Variants in NKAIN4 observed in about 807,000 individuals in gnomAD.
The protein encoded by NKAIN4 is sodium/potassium transporting ATPase interacting 4, also known as sodium/potassium-transporting ATPase subunit beta-1-interacting protein 4.
NKAIN4 carries 28 observed loss-of-function variants against 28.8 expected under a neutral mutation model. That is an observed-to-expected ratio of 0.97 (90% CI 0.72 to 1.33). The LOEUF (loss-of-function observed/expected upper bound fraction) is 1.33. Ranked by LOEUF, NKAIN4 falls within the 40% of genes most tolerant of loss-of-function variation. The pLI, the probability that NKAIN4 is intolerant of heterozygous loss-of-function variation, is 0.00. For missense variants in NKAIN4, 289 were observed against 277.2 expected, an observed-to-expected ratio of 1.04 and a Z score of -0.30; for synonymous variants, 122 against 115.6, an observed-to-expected ratio of 1.06 and a Z score of -0.36.
chr20:63,241,226 A>C lies in NKAIN4; in HGVS notation c.*271T>G. The stretch of plus-strand genomic sequence containing the variant: ...CCCCATGTTGCCAGAGGAGGTGGGC[A>C]TGTGGGGTTTTGCCTTTTCTTTTGT... On this transcript the variant is annotated 3_prime_UTR_variant, in exon 7 of 7. Transcript: ENST00000370316. 2.2e-6 allele frequency: 1 copy of C among 453,390 alleles called. No individual in the cohort carries two copies. The highest frequency in any genetic ancestry group is 4.0e-6 in the Non-Finnish European group (1 of 252,034). 28.1% of individuals were successfully genotyped at this position (453,390 alleles called of 1,614,324 possible).
At chr20:63,249,073 A>C (rs1406250688) in intron 2 of NKAIN4, 178 bp from the exon 3 acceptor site, 1 of 595,494 alleles carries the variant, frequency 1.7e-6, no homozygotes, top group Non-Finnish European at 3.0e-6. Flanking sequence ...CCACCCTGGG[A>C]CACGTCTCAG....
At chr20:63,246,650 C>T (rs2066863120) in intron 4 of NKAIN4, 19 of 985,294 alleles carry the variant, frequency 1.9e-5, no homozygotes, top group Non-Finnish European at 2.3e-5. Context: ...GTCGACACCA[C>T]CGTGCGCACC....
At chr20:63,243,889 T>C in intron 5 of NKAIN4, 135 bp downstream of exon 5, 1 of 703,600 alleles carries the variant, frequency 1.4e-6, no homozygotes, top group Non-Finnish European at 2.5e-6. Flanking sequence ...CCTACGGCCG[T>C]GAGCAAGGCC....
chr20:63,242,814 G>A (rs568115155), intron 5 of NKAIN4, among the ~76,000 whole-genome samples, 191 bp from the exon 6 acceptor site: 61 of 145,916 alleles, frequency 4.2e-4, no homozygotes, highest in Middle Eastern at 3.5e-3. Context: ...CGGGTCCTCG[G>A]CCTGTGCGGG....
intron 4 of NKAIN4, chr20:63,244,503 C>A: frequency 2.1e-6 from 1 of 475,060 alleles, no homozygotes; most frequent in South Asian, 1.5e-5. Flanking sequence ...CAGCAGCCAC[C>A]AGGGGTTCCT....
intron 1 of NKAIN4, chr20:63,254,162 G>A: frequency 2.4e-6 from 1 of 423,002 alleles, no homozygotes; most frequent in Non-Finnish European, 4.1e-6. Flanking sequence ...CTCCGGACCC[G>A]CGGCCGCCCC....
At chr20:63,242,483 G>T in intron 6 of NKAIN4, 56 bp downstream of exon 6, 1 of 1,278,670 alleles carries the variant, frequency 7.8e-7, no homozygotes. Context: ...GCCTCTCGCT[G>T]TGAGGGCCAG....
chr20:63,247,706 G>C lies in NKAIN4; in HGVS notation c.343C>G (p.Leu115Val). 6.5e-7 allele frequency: 1 copy of C among 1,527,748 alleles called. No individual in the cohort carries two copies. The highest frequency in any genetic ancestry group is 8.8e-7 in the Non-Finnish European group (1 of 1,135,798). 94.6% of individuals were successfully genotyped at this position (1,527,748 alleles called of 1,614,324 possible). ...SWWRERWPGC[L>V]HEEVPAVGLG... ...CCCACTGCTGGCACCTCCTCATGCA[G>C]ACAGCCTGGCCAGCGCTCACGCCAC... The change falls in exon 4 of 7, where the codon CTG becomes GTG. Residue 115 changes from leucine (L) to valine (V), a missense_variant. Physicochemically the swap from Leu to Val is conservative, Grantham distance 32. Coordinates refer to ENST00000370316, the MANE Select transcript of NKAIN4 (RefSeq NM_152864.4).
chr20:63,245,460 C>G lies in NKAIN4; in HGVS notation c.472-1376G>C, dbSNP rs1409367466. 6.6e-6 allele frequency among the ~76,000 whole-genome samples: 1 copy of G among 152,082 alleles called. No homozygotes were observed. The highest frequency in any genetic ancestry group is 2.4e-5 in the African/African-American group (1 of 41,416). ...CGGTGCCCTCCTGCCTGGGGACCTGCAGGCCACCTCTGTCCCACACCCCCA... is the reference window on the plus strand; with the variant it reads ...CGGTGCCCTCCTGCCTGGGGACCTGGAGGCCACCTCTGTCCCACACCCCCA... On this transcript the variant is annotated intron_variant, in intron 4 of 6. Coordinates refer to ENST00000370316, the MANE Select transcript of NKAIN4 (RefSeq NM_152864.4). This position sits in a 1 kb window ranked among gnomAD's most constrained non-coding sequence, Gnocchi z 4.7.
At chr20:63,253,405 G>T (rs1284627438) in intron 1 of NKAIN4, 1 of 985,266 alleles carries the variant, frequency 1.0e-6, no homozygotes, top group Non-Finnish European at 1.2e-6. Flanking sequence ...CCCCTAAGCC[G>T]AGCACAGGAC....
At chr20:63,246,999 G>A (rs1191552058) in intron 4 of NKAIN4, 6 of 998,156 alleles carry the variant, frequency 6.0e-6, no homozygotes, top group African/African-American at 3.5e-5. Flanking sequence ...GCAGAGTCCC[G>A]TTCCCGCACA....
At chr20:63,242,897 C>T (rs769717308) in intron 5 of NKAIN4, among the ~76,000 whole-genome samples, 62 of 126,746 alleles carry the variant, frequency 4.9e-4, no homozygotes, top group South Asian at 7.8e-4. Context: ...CCTGGGGGGA[C>T]GGCAGGGGTA....
At position 63,245,267 on chromosome 20, in the gene NKAIN4, T is replaced by A. The variant is rs959959723; in HGVS notation, c.472-1183A>T. Among the ~76,000 whole-genome samples, 4 of 152,188 alleles carry A rather than the reference T, an allele frequency of 2.6e-5. No homozygotes were observed. Among genetic ancestry groups the A allele is most frequent in the Admixed American group, 2.6e-4 (4 of 15,292 alleles). On this transcript the variant is annotated intron_variant, in intron 4 of 6. Coordinates refer to ENST00000370316, the MANE Select transcript of NKAIN4 (RefSeq NM_152864.4). This position sits in a 1 kb window ranked among gnomAD's most constrained non-coding sequence, Gnocchi z 4.7. ...AGAAGCTGTCCCAAATGGCCATTTCTGGTTCCATGCCACGGCCAGGGTGGG... is the reference window on the plus strand; with the variant it reads ...AGAAGCTGTCCCAAATGGCCATTTCAGGTTCCATGCCACGGCCAGGGTGGG...
intron 4 of NKAIN4, chr20:63,244,525 G>A (rs772054388): frequency 6.3e-6 from 3 of 472,676 alleles, no homozygotes; most frequent in East Asian, 6.9e-5. Flanking sequence ...CTCCTCTGTG[G>A]AGCAAGCCAT....
chr20:63,254,365 T>C, intron 1 of NKAIN4, 32 bp downstream of exon 1: 5 of 1,433,282 alleles, frequency 3.5e-6, no homozygotes, highest in Non-Finnish European at 4.6e-6. Flanking sequence ...CACCGGGGGC[T>C]CCAGGAGGCT....
chr20:63,243,925 G>T, intron 5 of NKAIN4, 99 bp downstream of exon 5: 3 of 989,766 alleles, frequency 3.0e-6, no homozygotes, highest in Non-Finnish European at 4.6e-6. Context: ...TCCCTTCCAA[G>T]TGGGGAGGTC....
rs201285820 is a variant in NKAIN4 at position 63,249,959 on chromosome 20, C to T, written c.168G>A (p.Gln56=). 539 of 1,613,526 alleles carry T rather than the reference C, an allele frequency of 3.3e-4. 1 individual carries two copies. The highest frequency in any genetic ancestry group is 5.0e-4 in the Admixed American group (30 of 59,994). ...IVILGLFGTI[Q]YRLRYVMVYT... is the part of the protein sequence containing the mutation. The stretch of plus-strand genomic sequence containing the variant: ...CCACCATGACATAGCGCAGCCGGTA[C>T]TGGATGGTGCCGAAGAGTCCCAGGA... The change falls in exon 2 of 7, where the codon CAG becomes CAA. Residue 56 remains glutamine, a synonymous_variant. Coordinates refer to ENST00000370316, the MANE Select transcript of NKAIN4 (RefSeq NM_152864.4).
At chr20:63,241,986 C>T (rs1381421420) in intron 6 of NKAIN4, among the ~76,000 whole-genome samples, 5 of 152,080 alleles carry the variant, frequency 3.3e-5, no homozygotes, top group Non-Finnish European at 7.4e-5. Context: ...AGCCCAGGGG[C>T]GGTGCAGCCA....
chr20:63,249,067 C>T (rs1054593541), intron 2 of NKAIN4, 172 bp from the exon 3 acceptor site: 18 of 600,944 alleles, frequency 3.0e-5, no homozygotes, highest in Non-Finnish European at 5.1e-5. Context: ...CCAAGCCCAC[C>T]CTGGGACACG....
Sources: gnomAD v4.1 joint callset for allele counts (sites outside exome capture counted in the v4.1 genomes callset) on GRCh38, gnomAD v4.1.1 for gene constraint, Gnocchi (gnomAD v3.1) non-coding constraint, MANE v1.5 for transcripts, NCBI Gene and HGNC (gene_info 2026-07-23, HGNC 2026-07-21) for gene names.